OPCML: variants seen among roughly 807,000 people sequenced by gnomAD.
OPCML encodes the protein opioid binding protein/cell adhesion molecule like, also known as opioid-binding protein/cell adhesion molecule.
OPCML carries 13 observed loss-of-function variants against 37.8 expected under a neutral mutation model. The ratio of observed to expected loss-of-function variants is 0.34; its 90% CI spans 0.22 to 0.55. OPCML has a LOEUF of 0.55. OPCML is among the 20% of genes least tolerant of loss of function. The pLI is 0.91. For synonymous variants in OPCML, 176 were observed against 168.8 expected (o/e 1.04, Z -0.33); for missense variants, 341 against 435.6 (o/e 0.78, Z 1.93).
intron 1 of OPCML, among the ~76,000 whole-genome samples, chr11:132,992,704 G>A (rs775849711): frequency 6.6e-6 from 1 of 152,152 alleles, no homozygotes; most frequent in Non-Finnish European, 1.5e-5. Context: ...AGGAAACGTG[G>A]AGGTTATGAT....
intron 1 of OPCML, among the ~76,000 whole-genome samples, chr11:133,161,123 AG>A (rs1356376085): frequency 6.6e-6 from 1 of 152,218 alleles, no homozygotes; most frequent in Non-Finnish European, 1.5e-5. Context: ...TGTTCAGACA[AG>A]CCAGGGCACA....
chr11:132,746,463 C>T (rs1383874478), intron 2 of OPCML, among the ~76,000 whole-genome samples: 6 of 152,164 alleles, frequency 3.9e-5, no homozygotes, highest in African/African-American at 1.2e-4. Context: ...CTCCCCCCAC[C>T]TCTGTGTCTC....
intron 2 of OPCML, among the ~76,000 whole-genome samples, chr11:132,759,140 G>T (rs923099744): frequency 1.3e-5 from 2 of 152,170 alleles, no homozygotes; most frequent in African/African-American, 4.8e-5. Flanking sequence ...TTGCATACCA[G>T]GGATGAAACC....
intron 2 of OPCML, among the ~76,000 whole-genome samples, chr11:132,691,581 G>A (rs1416829842): frequency 2.6e-5 from 4 of 152,138 alleles, no homozygotes; most frequent in African/African-American, 9.7e-5. Flanking sequence ...TGGAGTGTTG[G>A]CCTGGACCAT....
At chr11:133,357,771 C>A (rs776001192) in intron 1 of OPCML, among the ~76,000 whole-genome samples, 2 of 152,204 alleles carry the variant, frequency 1.3e-5, no homozygotes, top group Non-Finnish European at 2.9e-5. Flanking sequence ...TAGGATTGAT[C>A]TTCTCATCAA....
chr11:132,929,140 T>C (rs1389994372), intron 2 of OPCML, among the ~76,000 whole-genome samples: 1 of 150,900 alleles, frequency 6.6e-6, no homozygotes, highest in African/African-American at 2.4e-5. Context: ...AATGGGAAAA[T>C]AGAAAAAAAT....
At chr11:132,983,541 G>A (rs1373435619) in intron 1 of OPCML, among the ~76,000 whole-genome samples, 1 of 152,104 alleles carries the variant, frequency 6.6e-6, no homozygotes, top group African/African-American at 2.4e-5. Flanking sequence ...TTTGTGCACT[G>A]TCTATGGTCC....
At chr11:133,506,404 A>G (rs2120582386) in intron 1 of OPCML, among the ~76,000 whole-genome samples, 1 of 152,298 alleles carries the variant, frequency 6.6e-6, no homozygotes, top group East Asian at 1.9e-4. Context: ...GCTCAGGGGT[A>G]ATGAGCGCGG....
intron 3 of OPCML, among the ~76,000 whole-genome samples, chr11:132,604,949 T>G (rs997997029): frequency 6.6e-6 from 1 of 152,178 alleles, no homozygotes; most frequent in Non-Finnish European, 1.5e-5. Context: ...AAGGACATTT[T>G]GAAGGTGGTG....
intron 2 of OPCML, among the ~76,000 whole-genome samples, chr11:132,705,239 TCC>T (rs35433312): frequency 0.086 from 13,106 of 152,072 alleles, 651 homozygotes; most frequent in Non-Finnish European, 0.11. Flanking sequence ...TTCAGCCCCA[TCC>T]CCTTGGTGCT....
intron 2 of OPCML, among the ~76,000 whole-genome samples, chr11:132,889,432 T>C (rs1332782187): frequency 6.6e-6 from 1 of 152,212 alleles, no homozygotes; most frequent in African/African-American, 2.4e-5. Context: ...TCCACAATGA[T>C]AACAATGCCC....
intron 3 of OPCML, among the ~76,000 whole-genome samples, chr11:132,593,271 G>C (rs578109090): frequency 6.6e-6 from 1 of 152,220 alleles, no homozygotes; most frequent in South Asian, 2.1e-4. Context: ...TGTCGGTGTG[G>C]CTGGGAAAGG....
intron 1 of OPCML, among the ~76,000 whole-genome samples, chr11:133,528,555 C>A (rs1239165525): frequency 2.6e-5 from 4 of 152,212 alleles, no homozygotes; most frequent in African/African-American, 9.6e-5. Context: ...TGCCCCCAGG[C>A]CTTACCCCAA....
intron 1 of OPCML, among the ~76,000 whole-genome samples, chr11:132,971,358 T>C (rs1011282702): frequency 6.6e-6 from 1 of 152,220 alleles, no homozygotes; most frequent in African/African-American, 2.4e-5. Flanking sequence ...GTAATGAGCA[T>C]GTTTCTAACA....
At chr11:133,079,810 A>T (rs1948681518) in intron 1 of OPCML, among the ~76,000 whole-genome samples, 1 of 152,072 alleles carries the variant, frequency 6.6e-6, no homozygotes, top group South Asian at 2.1e-4. Flanking sequence ...CACCTCCCGC[A>T]TCCCCCAACC....
At chr11:132,566,019 C>A (rs557200160) in intron 3 of OPCML, among the ~76,000 whole-genome samples, 41 of 152,102 alleles carry the variant, frequency 2.7e-4, no homozygotes, top group African/African-American at 5.6e-4. Flanking sequence ...GGTGACAGAG[C>A]GAGACTCCGT....
At chr11:132,974,340 T>G (rs1946409606) in intron 1 of OPCML, among the ~76,000 whole-genome samples, 1 of 152,200 alleles carries the variant, frequency 6.6e-6, no homozygotes, top group African/African-American at 2.4e-5. Flanking sequence ...CATCACACTT[T>G]GCATACCAAT....
At chr11:132,912,037 G>A (rs530780820) in intron 2 of OPCML, among the ~76,000 whole-genome samples, 3 of 152,052 alleles carry the variant, frequency 2.0e-5, no homozygotes, top group Non-Finnish European at 4.4e-5. Flanking sequence ...GTGAGATTCT[G>A]GGTATTAAGC....
chr11:132,825,706 C>T (rs1262348584), intron 2 of OPCML, among the ~76,000 whole-genome samples: 2 of 152,166 alleles, frequency 1.3e-5, no homozygotes, highest in Admixed American at 6.5e-5. Context: ...GACTCTTAGC[C>T]CTTTAGCATT....
Sources: allele counts gnomAD v4.1 joint callset (sites outside exome capture counted in the v4.1 genomes callset), GRCh38; gene constraint gnomAD v4.1.1; transcripts MANE v1.5; gene names NCBI Gene and HGNC (gene_info 2026-07-23, HGNC 2026-07-21).